The following ZYG11B variants were observed in gnomAD, a reference collection of about 807,000 sequenced individuals.
ZYG11B encodes the protein protein zyg-11 homolog B.
In ZYG11B, 36 loss-of-function variants were observed where a neutral mutation model predicts 82.4. The ratio of observed to expected loss-of-function variants is 0.44; its 90% CI spans 0.33 to 0.58. The LOEUF is 0.58. Among genes scored for constraint, ZYG11B ranks in the 20% least tolerant of loss-of-function variants. The pLI is 0.02. For synonymous variants in ZYG11B, 303 were observed against 312.8 expected, an observed-to-expected ratio of 0.97 and a Z score of 0.33; for missense variants, 552 against 895.6, an observed-to-expected ratio of 0.62 and a Z score of 4.90.
intron 2 of ZYG11B, among the ~76,000 whole-genome samples, chr1:52,760,702 C>T (rs1210119842): frequency 2.6e-5 from 4 of 151,016 alleles, no homozygotes; most frequent in Non-Finnish European, 5.9e-5. Context: ...AAGTTAGCCT[C>T]CTGCCTCAGG....
chr1:52,816,719 T>G, intron 13 of ZYG11B, 90 bp downstream of exon 13: 1 of 983,786 alleles, frequency 1.0e-6, no homozygotes, highest in Non-Finnish European at 1.6e-6. Flanking sequence ...TGTATTAAAG[T>G]GATTTTTAAG....
At chr1:52,802,067 T>G (rs1001453814) in intron 9 of ZYG11B, 25 bp from the exon 10 acceptor site, 1 of 1,593,034 alleles carries the variant, frequency 6.3e-7, no homozygotes, top group Non-Finnish European at 8.5e-7. Context: ...TTCAGGTAAT[T>G]ATAGGTTTCT....
At chr1:52,741,298 C>CAAAAAAAAAAAAAAA (rs770092920) in intron 1 of ZYG11B, among the ~76,000 whole-genome samples, 1 of 72,174 alleles carries the variant, frequency 1.4e-5, no homozygotes, top group African/African-American at 4.5e-5. Flanking sequence ...GACTTCGTCT[C>CAAAAAAAAAAAAAAA]AAAAAAAAAA....
chr1:52,742,723 T>A (rs1174681785), intron 1 of ZYG11B, among the ~76,000 whole-genome samples: 1 of 151,398 alleles, frequency 6.6e-6, no homozygotes, highest in Non-Finnish European at 1.5e-5. Flanking sequence ...GCGCCTGTAG[T>A]CCCAGCTTCT....
chr1:52,808,564 C>T (rs928314260), intron 10 of ZYG11B, among the ~76,000 whole-genome samples: 1 of 152,038 alleles, frequency 6.6e-6, no homozygotes, highest in Admixed American at 6.6e-5. Context: ...TGGGATTTTG[C>T]TGTATTGTCC....
chr1:52,793,724 G>A (rs1205138223), intron 6 of ZYG11B, among the ~76,000 whole-genome samples: 1 of 152,150 alleles, frequency 6.6e-6, no homozygotes, highest in African/African-American at 2.4e-5. Flanking sequence ...GAAGACTAAT[G>A]AACAATCTGC....
chr1:52,818,775 T>C (rs1479407973), intron 13 of ZYG11B, among the ~76,000 whole-genome samples: 3 of 151,790 alleles, frequency 2.0e-5, no homozygotes, highest in African/African-American at 7.3e-5. Context: ...TAGTAACATT[T>C]AGTGAGATTT....
intron 13 of ZYG11B, 21 bp from the exon 14 acceptor site, chr1:52,821,418 G>T: frequency 6.5e-7 from 1 of 1,535,670 alleles, no homozygotes; most frequent in East Asian, 2.3e-5. Context: ...TGTTTTGTGT[G>T]TGTTTTTTTT....
intron 13 of ZYG11B, among the ~76,000 whole-genome samples, chr1:52,817,922 C>T (rs1645249998): frequency 7.1e-6 from 1 of 141,364 alleles, no homozygotes; most frequent in Admixed American, 7.2e-5. Flanking sequence ...ACCACACCCT[C>T]CACCTCCCAG....
intron 3 of ZYG11B, among the ~76,000 whole-genome samples, chr1:52,773,995 C>T (rs1047360058): frequency 4.6e-5 from 7 of 151,708 alleles, no homozygotes; most frequent in African/African-American, 1.7e-4. Flanking sequence ...GTGAGTAGCT[C>T]AGTAGAGAGC....
chr1:52,816,432 T>C, intron 12 of ZYG11B, 100 bp from the exon 13 acceptor site: 2 of 765,054 alleles, frequency 2.6e-6, no homozygotes, highest in African/African-American at 1.8e-5. Context: ...CTAAATATAA[T>C]AGGATAAAAT....
chr1:52,755,996 T>G (rs1267728025), intron 1 of ZYG11B, among the ~76,000 whole-genome samples: 2 of 150,384 alleles, frequency 1.3e-5, no homozygotes, highest in Non-Finnish European at 3.0e-5. Context: ...GATGGGGTTT[T>G]GCCATGTTGG....
chr1:52,797,234 T>TATAAA lies in ZYG11B; in HGVS notation c.1485+451_1485+455dup, dbSNP rs1458672315. On this transcript the variant is annotated intron_variant, in intron 8 of 13. Coordinates refer to ENST00000294353, the MANE Select transcript of ZYG11B (RefSeq NM_024646.3). ...TAATATATAAATATATATTATATAA[T>TATAAA]ATAAATTTGTATATATAATATATAT... 2.7e-4 allele frequency among the ~76,000 whole-genome samples: 22 copies of TATAAA among 80,818 alleles called. No individual in the cohort carries two copies. In the South Asian group the frequency reaches 7.8e-3, roughly 29 times the overall value. The allele number at this position is 80,818 out of a possible 152,430, so 53.0% of individuals were successfully genotyped here.
At position 52,784,943 on chromosome 1, in the gene ZYG11B, G is replaced by T. The variant is rs1254010651; in HGVS notation, c.1159G>T (p.Val387Leu). The T allele has an allele frequency of 6.2e-7, 1 of 1,614,058 alleles. No homozygotes were observed. The highest frequency in any genetic ancestry group is 2.2e-5 in the East Asian group (1 of 44,900). Residue 387 changes from valine to leucine, a missense_variant, in exon 5 of 14, where the codon GTA becomes TTA. Transcript: ENST00000294353. ...LPVQLAASAC[V>L]FNLTKQDLAA... ...AGTGCAACTGGCTGCAAGCGCCTGT[G>T]TATTTAACTTAACCAAGCAGGATCT...
At chr1:52,744,567 G>T (rs2149923289) in intron 1 of ZYG11B, among the ~76,000 whole-genome samples, 1 of 152,304 alleles carries the variant, frequency 6.6e-6, no homozygotes, top group East Asian at 1.9e-4. Flanking sequence ...GAAGGGCTGG[G>T]TACGCTAGCT....
Position 52,799,311 on chromosome 1 carries a change from C to T in ZYG11B, c.1486-2508C>T, listed in dbSNP as rs1358120002. 2.0e-5 allele frequency among the ~76,000 whole-genome samples: 3 copies of T among 151,924 alleles called. No individual in the cohort carries two copies. The East Asian group carries it at 5.8e-4, about 29-fold the overall frequency. On this transcript the variant is annotated intron_variant, in intron 8 of 13. Coordinates refer to ENST00000294353, the MANE Select transcript of ZYG11B (RefSeq NM_024646.3). ...GACCATCCTGGCTAATGCAGTGAAA[C>T]CCCGTCTCTACTAAAAATACAAAAA... is the stretch of plus-strand genomic sequence containing the variant.
intron 8 of ZYG11B, among the ~76,000 whole-genome samples, chr1:52,800,275 C>CA (rs71579948): frequency 0.47 from 56,359 of 119,782 alleles, 13,313 homozygotes; most frequent in Non-Finnish European, 0.6. Context: ...GATTCCATGT[C>CA]AAAAAAAAAA....
At chr1:52,773,341 G>A (rs868099468) in intron 3 of ZYG11B, among the ~76,000 whole-genome samples, 154 of 151,508 alleles carry the variant, frequency 1.0e-3, no homozygotes, top group Middle Eastern at 6.8e-3. Flanking sequence ...AGCCATGGTG[G>A]CATGTGCCTG....
At chr1:52,758,250 C>T (rs1352852728) in intron 2 of ZYG11B, among the ~76,000 whole-genome samples, 1 of 146,466 alleles carries the variant, frequency 6.8e-6, no homozygotes, top group Admixed American at 6.8e-5. Context: ...AGTTGATAAA[C>T]TCATAAGTAT....
Sources: allele counts gnomAD v4.1 joint callset (sites outside exome capture counted in the v4.1 genomes callset), GRCh38; gene constraint gnomAD v4.1.1; transcripts MANE v1.5; gene names NCBI Gene and HGNC (gene_info 2026-07-23, HGNC 2026-07-21).